Variants in OPCML observed in about 807,000 individuals in gnomAD.
OPCML encodes the protein opioid-binding protein/cell adhesion molecule.
Under a neutral mutation model 37.8 loss-of-function variants are expected in OPCML, and 13 were observed. The ratio of observed to expected loss-of-function variants is 0.34; its 90% CI spans 0.22 to 0.55. The LOEUF (loss-of-function observed/expected upper bound fraction) is 0.55, where lower values mean the gene tolerates loss of function less well. Ranked by LOEUF, OPCML falls within the 20% of genes least tolerant of loss-of-function variation. The pLI is 0.91. For synonymous variants in OPCML, 176 were observed against 168.8 expected (o/e 1.04, Z -0.33); for missense variants, 341 against 435.6 (o/e 0.78, Z 1.93).
At chr11:132,969,798 A>G (rs1307736049) in intron 1 of OPCML, among the ~76,000 whole-genome samples, 3 of 152,158 alleles carry the variant, frequency 2.0e-5, no homozygotes, top group Non-Finnish European at 4.4e-5. Flanking sequence ...ATATTCTCTA[A>G]TTGATAAAGC....
At chr11:133,297,621 C>T (rs1341147002) in intron 1 of OPCML, 1 of 152,190 alleles carries the variant, frequency 6.6e-6, no homozygotes, top group Non-Finnish European at 1.5e-5. Flanking sequence ...AATGAGAGAA[C>T]TGTCATCACA....
intron 1 of OPCML, among the ~76,000 whole-genome samples, chr11:132,985,361 T>C (rs1200781495): frequency 7.9e-5 from 12 of 152,286 alleles, no homozygotes; most frequent in African/African-American, 2.9e-4. Context: ...TTCCTTGCAT[T>C]TGTGGGACCA....
chr11:132,445,580 G>A (rs896141997), intron 4 of OPCML, among the ~76,000 whole-genome samples: 26 of 152,172 alleles, frequency 1.7e-4, no homozygotes, highest in Admixed American at 1.6e-3. Context: ...TCCCTGGGGG[G>A]TCATGAGACT....
chr11:133,040,015 C>T (rs1472387505), intron 1 of OPCML, among the ~76,000 whole-genome samples: 5 of 151,246 alleles, frequency 3.3e-5, no homozygotes, highest in African/African-American at 4.9e-5. Context: ...AGTGACAGCA[C>T]GAGACTCCAT....
At chr11:132,611,687 AG>A in intron 3 of OPCML, among the ~76,000 whole-genome samples, 1 of 152,226 alleles carries the variant, frequency 6.6e-6, no homozygotes, top group Non-Finnish European at 1.5e-5. Flanking sequence ...GTGGGGAGAA[AG>A]GGGGAGGAAT....
At chr11:133,005,494 T>C in intron 1 of OPCML, 1 of 985,386 alleles carries the variant, frequency 1.0e-6, no homozygotes, top group Non-Finnish European at 1.2e-6. Flanking sequence ...GTAGGGCAGG[T>C]CATATTTGGT....
chr11:132,498,218 TA>T (rs2096237421), intron 4 of OPCML, among the ~76,000 whole-genome samples: 1 of 152,236 alleles, frequency 6.6e-6, no homozygotes, highest in Non-Finnish European at 1.5e-5. Flanking sequence ...AAAGTGATGT[TA>T]CATAGCTTAG....
At chr11:132,493,991 C>T (rs139706897) in intron 4 of OPCML, among the ~76,000 whole-genome samples, 25 of 152,338 alleles carry the variant, frequency 1.6e-4, no homozygotes, top group African/African-American at 6.0e-4. Context: ...AGCCATGTCC[C>T]AGCTGTTGCC....
chr11:132,690,971 A>T (rs1271061595), intron 2 of OPCML, among the ~76,000 whole-genome samples: 1 of 152,164 alleles, frequency 6.6e-6, no homozygotes, highest in Admixed American at 6.5e-5. Context: ...TTTCAGGTTG[A>T]CTCATTCTCT....
chr11:133,209,598 C>A (rs1038981364), intron 1 of OPCML, among the ~76,000 whole-genome samples: 2 of 152,150 alleles, frequency 1.3e-5, no homozygotes, highest in Non-Finnish European at 2.9e-5. Flanking sequence ...CTTTCCCAAC[C>A]AGATCAGAAT....
intron 1 of OPCML, among the ~76,000 whole-genome samples, chr11:133,085,287 C>T (rs1200017549): frequency 6.6e-6 from 1 of 152,208 alleles, no homozygotes; most frequent in Non-Finnish European, 1.5e-5. Context: ...TGTTCAAACG[C>T]TTCTCTTTCA....
At chr11:133,057,454 C>T (rs1013271100) in intron 1 of OPCML, among the ~76,000 whole-genome samples, 3 of 152,134 alleles carry the variant, frequency 2.0e-5, no homozygotes, top group South Asian at 4.2e-4. Context: ...CTTGGAGACT[C>T]TGCTGTCTGC....
intron 1 of OPCML, among the ~76,000 whole-genome samples, chr11:133,351,943 A>G (rs779398563): frequency 1.5e-4 from 23 of 152,104 alleles, no homozygotes; most frequent in Non-Finnish European, 2.6e-4. Flanking sequence ...CTCTTATCTT[A>G]TATTCAATCC....
chr11:132,877,081 C>T (rs983076895), intron 2 of OPCML, among the ~76,000 whole-genome samples: 1 of 152,154 alleles, frequency 6.6e-6, no homozygotes, highest in African/African-American at 2.4e-5. Flanking sequence ...AATCACTTCC[C>T]AGTGTGCCAA....
intron 4 of OPCML, among the ~76,000 whole-genome samples, chr11:132,528,085 T>C (rs554856019): frequency 1.2e-4 from 18 of 152,174 alleles, no homozygotes; most frequent in Non-Finnish European, 2.4e-4. Context: ...AGTGAGGAGA[T>C]AAATTTCTGT....
chr11:133,516,692 G>A (rs1433525507), intron 1 of OPCML, among the ~76,000 whole-genome samples: 2 of 152,130 alleles, frequency 1.3e-5, no homozygotes, highest in African/African-American at 4.8e-5. Context: ...CAGAGCCGGT[G>A]CAGAGCCGGG....
chr11:133,383,100 G>A (rs942212147), intron 1 of OPCML, among the ~76,000 whole-genome samples: 6 of 151,816 alleles, frequency 4.0e-5, no homozygotes, highest in South Asian at 2.1e-4. Context: ...TCACCCTGGC[G>A]ACACACCTGA....
chr11:132,876,377 G>A (rs1342547111), intron 2 of OPCML, among the ~76,000 whole-genome samples: 1 of 152,170 alleles, frequency 6.6e-6, no homozygotes, highest in African/African-American at 2.4e-5. Flanking sequence ...GGGCCATCCA[G>A]TTCTGTCTCC....
At chr11:133,494,993 G>A (rs1414709055) in intron 1 of OPCML, among the ~76,000 whole-genome samples, 1 of 152,150 alleles carries the variant, frequency 6.6e-6, no homozygotes, top group East Asian at 1.9e-4. Flanking sequence ...ATTTGTGAGA[G>A]TTTGGTGCAT....
Sources: gnomAD v4.1 joint callset for allele counts (sites outside exome capture counted in the v4.1 genomes callset) on GRCh38, gnomAD v4.1.1 for gene constraint, MANE v1.5 for transcripts, NCBI Gene and HGNC (gene_info 2026-07-23, HGNC 2026-07-21) for gene names.